The following GPR137C variants were observed in gnomAD, a reference collection of about 807,000 sequenced individuals.
GPR137C encodes G protein-coupled receptor 137C.
Under a neutral mutation model 43.4 loss-of-function variants are expected in GPR137C, and 27 were observed. The ratio of observed to expected loss-of-function variants is 0.62; its 90% confidence interval spans 0.46 to 0.86. The LOEUF (loss-of-function observed/expected upper bound fraction) is 0.86. Ranked by LOEUF, GPR137C falls within the 40% of genes least tolerant of loss-of-function variation. The pLI is 0.00. For synonymous variants in GPR137C, 285 were observed against 226.9 expected (o/e 1.26, Z -2.30); for missense variants, 522 against 534.6 (o/e 0.98, Z 0.23).
In GPR137C at chr14:52,635,103, A is replaced by T; in HGVS notation, c.1278A>T (p.Thr426=). 1 of 1,566,120 alleles carries T rather than the reference A, an allele frequency of 6.4e-7. No homozygotes were observed. Among genetic ancestry groups the T allele is most frequent in the Non-Finnish European group, 8.6e-7 (1 of 1,160,324 alleles). ...ACAATCATCATAGCTTATATGTGAC[A>T]CCACAAAACTGACAGCATCACCAAG... ...DLNNHHSLYV[T]PQN is the part of the protein sequence containing the mutation. The change falls in exon 7 of 7, where the codon ACA becomes ACT. Residue 426 remains threonine (T), a synonymous_variant. Coordinates refer to ENST00000321662, the MANE Select transcript of GPR137C (RefSeq NM_001099652.2).
At chr14:52,566,850 G>A (rs927527213) in intron 1 of GPR137C, among the ~76,000 whole-genome samples, 6 of 152,180 alleles carry the variant, frequency 3.9e-5, no homozygotes, top group African/African-American at 7.2e-5. Flanking sequence ...AGTGGCTCAC[G>A]CCTGTAATCC....
At chr14:52,567,184 T>C (rs1000374593) in intron 1 of GPR137C, among the ~76,000 whole-genome samples, 11 of 152,212 alleles carry the variant, frequency 7.2e-5, no homozygotes, top group African/African-American at 2.7e-4. Flanking sequence ...GTCCCATTCC[T>C]TGGACCCTTG....
At chr14:52,595,757 T>A (rs1001249868) in intron 1 of GPR137C, among the ~76,000 whole-genome samples, 2 of 152,160 alleles carry the variant, frequency 1.3e-5, no homozygotes, top group African/African-American at 4.8e-5. Context: ...TTGCATTGGG[T>A]TAGAACATGC....
chr14:52,603,550 T>C (rs966581375), intron 3 of GPR137C, among the ~76,000 whole-genome samples: 1 of 152,166 alleles, frequency 6.6e-6, no homozygotes, highest in Non-Finnish European at 1.5e-5. Flanking sequence ...TTGTTTGTTT[T>C]TGAGATGGAG....
rs137905597 is a variant in GPR137C at position 52,556,000 on chromosome 14, CTGAATT to C, written c.444+2410_444+2415del. Among the ~76,000 whole-genome samples the C allele has an allele frequency of 2.5e-3, 374 of 152,226 alleles. 4 individuals carry two copies. Among genetic ancestry groups the C allele is most frequent in the African/African-American group, 8.6e-3 (359 of 41,548 alleles). ...GCAAGTATACTTCCCATTGATCATT[CTGAATT>C]AATGAAGTTTTTCCTAGTGAGTTCT... On this transcript the variant is annotated intron_variant, in intron 1 of 6. Transcript: ENST00000321662.
intron 1 of GPR137C, among the ~76,000 whole-genome samples, chr14:52,556,740 C>T (rs761625299): frequency 1.3e-5 from 2 of 151,784 alleles, no homozygotes; most frequent in Non-Finnish European, 2.9e-5. Context: ...CAGCATCACA[C>T]AATATATCCA....
At chr14:52,623,214 G>A (rs2039180549) in intron 3 of GPR137C, among the ~76,000 whole-genome samples, 1 of 151,562 alleles carries the variant, frequency 6.6e-6, no homozygotes, top group Non-Finnish European at 1.5e-5. Flanking sequence ...ACAAAAATGT[G>A]TTTGTAGACA....
intron 3 of GPR137C, among the ~76,000 whole-genome samples, chr14:52,601,643 C>T (rs2038927311): frequency 6.6e-6 from 1 of 151,826 alleles, no homozygotes. Flanking sequence ...CTAATTCAGG[C>T]TTTGGTTTGA....
intron 1 of GPR137C, among the ~76,000 whole-genome samples, chr14:52,581,543 A>T (rs977863667): frequency 6.6e-6 from 1 of 152,092 alleles, no homozygotes; most frequent in Non-Finnish European, 1.5e-5. Flanking sequence ...CAAAAAAAAA[A>T]AAAGAAAGAA....
At chr14:52,628,943 T>G (rs756132625) in intron 3 of GPR137C, among the ~76,000 whole-genome samples, 1 of 152,254 alleles carries the variant, frequency 6.6e-6, no homozygotes, top group Non-Finnish European at 1.5e-5. Context: ...ACTCATTGAT[T>G]TAATAAGACA....
chr14:52,624,404 TAGTGGG>T (rs1314359611), intron 3 of GPR137C, among the ~76,000 whole-genome samples: 1 of 151,696 alleles, frequency 6.6e-6, no homozygotes, highest in Non-Finnish European at 1.5e-5. Context: ...TTAGAAATGG[TAGTGGG>T]AGTGTGTGGA....
intron 3 of GPR137C, among the ~76,000 whole-genome samples, chr14:52,617,839 C>A (rs1214434869): frequency 6.6e-6 from 1 of 152,118 alleles, no homozygotes; most frequent in Non-Finnish European, 1.5e-5. Flanking sequence ...TGATAGTGCT[C>A]TCATGGGTTG....
At chr14:52,629,754 T>A (rs1308983716) in intron 3 of GPR137C, among the ~76,000 whole-genome samples, 1 of 152,184 alleles carries the variant, frequency 6.6e-6, no homozygotes. Context: ...GAGATTTGGG[T>A]TACATGTGTG....
chr14:52,595,373 A>C (rs532150617), intron 1 of GPR137C, among the ~76,000 whole-genome samples: 4 of 152,232 alleles, frequency 2.6e-5, no homozygotes, highest in African/African-American at 9.6e-5. Context: ...CTGCCTTGCT[A>C]GGTTGTGGAA....
At chr14:52,625,615 C>T (rs1425163431) in intron 3 of GPR137C, among the ~76,000 whole-genome samples, 6 of 111,384 alleles carry the variant, frequency 5.4e-5, no homozygotes, top group Non-Finnish European at 8.4e-5. Flanking sequence ...AGTGCAGTGG[C>T]GTGATCTCGG....
At chr14:52,596,833 C>T in intron 1 of GPR137C, 1 of 438,454 alleles carries the variant, frequency 2.3e-6, no homozygotes, top group South Asian at 1.6e-5. Context: ...GCTGCACCCA[C>T]TGTCCAACCA....
At chr14:52,553,647 T>C (rs2140245680) in intron 1 of GPR137C, 56 bp downstream of exon 1, 215 of 740,540 alleles carry the variant, frequency 2.9e-4, no homozygotes, top group East Asian at 9.3e-4. Context: ...GCCGCCGGGA[T>C]CAACTCCCGC....
intron 3 of GPR137C, among the ~76,000 whole-genome samples, chr14:52,624,642 G>A (rs746248508): frequency 2.6e-5 from 4 of 151,466 alleles, no homozygotes; most frequent in East Asian, 1.9e-4. Flanking sequence ...GAGGATAGCC[G>A]GAGCCTGGGA....
At chr14:52,576,648 CAAAG>C (rs1450203398) in intron 1 of GPR137C, among the ~76,000 whole-genome samples, 1 of 152,122 alleles carries the variant, frequency 6.6e-6, no homozygotes, top group African/African-American at 2.4e-5. Context: ...AGAAAGTCAA[CAAAG>C]AAACTCTGGA....
Sources: allele counts gnomAD v4.1 joint callset (sites outside exome capture counted in the v4.1 genomes callset), GRCh38; gene constraint gnomAD v4.1.1; transcripts MANE v1.5; gene names NCBI Gene and HGNC (gene_info 2026-07-23, HGNC 2026-07-21).